The following ESR1 variants were observed in gnomAD, a reference collection of about 807,000 sequenced individuals.
ESR1 encodes the protein estrogen receptor.
A neutral mutation model predicts 52.7 loss-of-function variants in ESR1; 12 were observed. The ratio of observed to expected loss-of-function variants is 0.23; its 90% CI spans 0.15 to 0.37. The LOEUF (loss-of-function observed/expected upper bound fraction) is 0.37. Ranked by LOEUF, ESR1 falls within the 10% of genes least tolerant of loss-of-function variation. The pLI is 1.00. For synonymous variants in ESR1, 305 were observed against 316.8 expected (o/e 0.96, Z 0.39); for missense variants, 584 against 779.7 (o/e 0.75, Z 2.99).
chr6:151,824,219 C>T (rs1781077836), intron 1 of ESR1, among the ~76,000 whole-genome samples: 1 of 151,972 alleles, frequency 6.6e-6, no homozygotes, highest in African/African-American at 2.4e-5. Context: ...TCTCTGATGG[C>T]CAGTGATGAT....
chr6:151,799,016 G>C (rs997847385), intron 2 of ESR1, among the ~76,000 whole-genome samples: 1 of 152,166 alleles, frequency 6.6e-6, no homozygotes, highest in Non-Finnish European at 1.5e-5. Context: ...GAATGTGAAG[G>C]CAGTCTTGTT....
Position 151,700,967 on chromosome 6 carries a change from ATAACT to A in ESR1, c.-201-904_-201-900del, listed in dbSNP as rs201081604. Among the ~76,000 whole-genome samples, 89 of 152,294 alleles carry A rather than the reference ATAACT, an allele frequency of 5.8e-4. No homozygotes were observed. In the East Asian group the frequency reaches 0.012, roughly 21 times the overall value. ...AAGCACCCCAAGGGAGTCTATTGAA[ATAACT>A]TAAAGTAAAAATTCAGAAGAATTTT... On this transcript the variant is annotated intron_variant, in intron 1 of 2. Transcript: ENST00000404742.
intron 2 of ESR1, among the ~76,000 whole-genome samples, chr6:151,765,330 C>G (rs762634287): frequency 1.2e-4 from 18 of 152,110 alleles, no homozygotes; most frequent in Non-Finnish European, 2.2e-4. Flanking sequence ...TTTTCAATGA[C>G]TGAATTGAGT....
chr6:151,861,654 A>G (rs1403441003), intron 2 of ESR1, among the ~76,000 whole-genome samples: 3 of 152,156 alleles, frequency 2.0e-5, no homozygotes, highest in Non-Finnish European at 4.4e-5. Context: ...AGGAAGAGGC[A>G]TGTTATGACT....
At chr6:151,973,888 A>C (rs2039166517) in intron 4 of ESR1, among the ~76,000 whole-genome samples, 1 of 152,168 alleles carries the variant, frequency 6.6e-6, no homozygotes, top group Non-Finnish European at 1.5e-5. Context: ...ACTTCATGTC[A>C]GGTACCTAAA....
At chr6:152,045,048 G>A (rs1347256300) in intron 5 of ESR1, among the ~76,000 whole-genome samples, 2 of 152,202 alleles carry the variant, frequency 1.3e-5, no homozygotes, top group Non-Finnish European at 2.9e-5. Flanking sequence ...GTATAAATTA[G>A]ATAACTGCCA....
chr6:151,949,403 C>G (rs1281251426), intron 4 of ESR1, among the ~76,000 whole-genome samples: 1 of 152,208 alleles, frequency 6.6e-6, no homozygotes, highest in Non-Finnish European at 1.5e-5. Context: ...CTTCCCAGCA[C>G]TCTGCTTCCC....
chr6:151,752,988 A>G (rs891698816), intron 2 of ESR1, among the ~76,000 whole-genome samples: 1 of 152,186 alleles, frequency 6.6e-6, no homozygotes, highest in African/African-American at 2.4e-5. Flanking sequence ...CAAATCATCA[A>G]ATCTAATGTT....
intron 4 of ESR1, among the ~76,000 whole-genome samples, chr6:152,009,828 C>A (rs1179132095): frequency 6.6e-6 from 1 of 152,084 alleles, no homozygotes; most frequent in Non-Finnish European, 1.5e-5. Flanking sequence ...CTAGAAACAA[C>A]CCAAATGTCC....
chr6:152,060,780 G>A (rs901872831), intron 5 of ESR1, among the ~76,000 whole-genome samples: 1 of 152,134 alleles, frequency 6.6e-6, no homozygotes, highest in Non-Finnish European at 1.5e-5. Context: ...GTTGAAATGA[G>A]AATGTTTTAT....
Position 152,005,219 on chromosome 6 carries a change from A to G in ESR1, c.1097-6437A>G, listed in dbSNP as rs528621390. On this transcript the variant is annotated intron_variant, in intron 4 of 7. Transcript: ENST00000206249. ...AAACATCTTGAAATGCTTGGAGTGT[A>G]ATAAAACCCCAAACGTGCTTTCTTT... is the stretch of plus-strand genomic sequence containing the variant. Among the ~76,000 whole-genome samples the G allele has an allele frequency of 9.9e-5, 15 of 152,116 alleles. 1 individual carries two copies. In the South Asian group the frequency reaches 1.7e-3, roughly 17 times the overall value.
chr6:151,932,901 T>C (rs2033860426), intron 3 of ESR1, among the ~76,000 whole-genome samples: 2 of 149,106 alleles, frequency 1.3e-5, no homozygotes, highest in African/African-American at 4.9e-5. Flanking sequence ...GCCTCCAGCT[T>C]TGTTCTTTTG....
At chr6:152,113,679 AC>A in intron 6 of ESR1, among the ~76,000 whole-genome samples, 1 of 152,358 alleles carries the variant, frequency 6.6e-6, no homozygotes, top group East Asian at 1.9e-4. Flanking sequence ...AAGATTAAAA[AC>A]AAGTGTGGGA....
intron 5 of ESR1, among the ~76,000 whole-genome samples, chr6:152,038,906 AG>A (rs1346813864): frequency 1.3e-5 from 2 of 152,154 alleles, no homozygotes; most frequent in African/African-American, 4.8e-5. Flanking sequence ...TGGATCCCAA[AG>A]TGATCCACCC....
chr6:151,794,918 C>A (rs1776541816), intron 2 of ESR1, among the ~76,000 whole-genome samples: 16 of 152,116 alleles, frequency 1.1e-4, no homozygotes, highest in Admixed American at 1.0e-3. Context: ...TTTATTTCGT[C>A]CAAAACCTTT....
At chr6:152,065,128 C>T (rs2047863903) in intron 6 of ESR1, among the ~76,000 whole-genome samples, 1 of 151,912 alleles carries the variant, frequency 6.6e-6, no homozygotes, top group South Asian at 2.1e-4. Flanking sequence ...GCAAGGCTTA[C>T]AATAAAAAAA....
At chr6:152,071,624 G>A (rs1286855844) in intron 6 of ESR1, among the ~76,000 whole-genome samples, 4 of 152,124 alleles carry the variant, frequency 2.6e-5, no homozygotes, top group African/African-American at 4.8e-5. Flanking sequence ...TTCTCCATCC[G>A]TACTGTGTAT....
At chr6:152,006,690 T>C (rs1460604459) in intron 4 of ESR1, among the ~76,000 whole-genome samples, 1 of 151,976 alleles carries the variant, frequency 6.6e-6, no homozygotes, top group Non-Finnish European at 1.5e-5. Context: ...GGGAAAGAGA[T>C]GAATTATTCA....
intron 1 of ESR1, among the ~76,000 whole-genome samples, chr6:151,672,048 G>T (rs1292381008): frequency 6.6e-6 from 1 of 152,080 alleles, no homozygotes; most frequent in Non-Finnish European, 1.5e-5. Context: ...GCCCAGGCTG[G>T]TCTCAGACTC....
Sources: allele counts gnomAD v4.1 joint callset (sites outside exome capture counted in the v4.1 genomes callset), GRCh38; gene constraint gnomAD v4.1.1; transcripts MANE v1.5; gene names NCBI Gene and HGNC (gene_info 2026-07-23, HGNC 2026-07-21).